Variants in HSPBAP1 observed in about 807,000 individuals in gnomAD.
HSPBAP1 encodes HSPB1 associated protein 1, also known as HSPB1-associated protein 1.
A neutral mutation model predicts 45.2 loss-of-function variants in HSPBAP1; 27 were observed. That is an observed-to-expected ratio of 0.60 (90% confidence interval 0.44 to 0.82). The LOEUF (loss-of-function observed/expected upper bound fraction) is 0.82, where lower values mean the gene tolerates loss of function less well. Ranked by LOEUF, HSPBAP1 falls within the 40% of genes least tolerant of loss-of-function variation. The pLI is 0.00. For missense variants in HSPBAP1, 510 were observed against 590.9 expected (o/e 0.86, Z 1.42); for synonymous variants, 204 against 202.7 (o/e 1.01, Z -0.06).
intron 3 of HSPBAP1, among the ~76,000 whole-genome samples, chr3:122,759,664 G>A (rs1206456824): frequency 2.6e-5 from 4 of 152,188 alleles, no homozygotes; most frequent in African/African-American, 4.8e-5. Flanking sequence ...ATGCCTACTC[G>A]GATGAAGCTT....
At chr3:122,772,355 T>C (rs1935031550) in intron 2 of HSPBAP1, among the ~76,000 whole-genome samples, 1 of 152,096 alleles carries the variant, frequency 6.6e-6, no homozygotes, top group Admixed American at 6.6e-5. Context: ...AAAAGAGTAA[T>C]TAGGGAGGAT....
chr3:122,784,814 T>C (rs1347298587), intron 1 of HSPBAP1, among the ~76,000 whole-genome samples: 1 of 152,234 alleles, frequency 6.6e-6, no homozygotes, highest in Non-Finnish European at 1.5e-5. Flanking sequence ...TTTGGGAAGA[T>C]GAGTAGCTTG....
In HSPBAP1 at chr3:122,740,294, T is replaced by C; in HGVS notation, c.*51A>G. 8.4e-7 allele frequency: 1 copy of C among 1,190,960 alleles called. No individual in the cohort carries two copies. Among genetic ancestry groups the C allele is most frequent in the Non-Finnish European group, 1.1e-6 (1 of 890,582 alleles). 73.8% of individuals were successfully genotyped at this position (1,190,960 alleles called of 1,614,324 possible). On this transcript the variant is annotated 3_prime_UTR_variant, in exon 8 of 8. Transcript: ENST00000306103. ...TCATCTTTATTTTAGTCATACTACT[T>C]AAAAATATATATTTAAAAAATATTA...
intron 1 of HSPBAP1, among the ~76,000 whole-genome samples, chr3:122,781,537 A>C (rs925983572): frequency 2.0e-5 from 3 of 151,978 alleles, no homozygotes; most frequent in African/African-American, 4.8e-5. Context: ...CACCAGAGGC[A>C]GACCGTAGGA....
intron 3 of HSPBAP1, among the ~76,000 whole-genome samples, chr3:122,762,717 G>A (rs1250306605): frequency 2.0e-5 from 3 of 152,230 alleles, no homozygotes; most frequent in East Asian, 1.9e-4. Flanking sequence ...ATTTAATTCT[G>A]TTGTGGTGAG....
intron 3 of HSPBAP1, among the ~76,000 whole-genome samples, chr3:122,760,803 C>A (rs1018914451): frequency 6.6e-6 from 1 of 152,106 alleles, no homozygotes; most frequent in East Asian, 1.9e-4. Context: ...AACACACTGG[C>A]TGCTTGGGAG....
intron 6 of HSPBAP1, among the ~76,000 whole-genome samples, chr3:122,749,155 TATATAG>T (rs1934037528): frequency 1.3e-5 from 2 of 151,638 alleles, no homozygotes; most frequent in South Asian, 2.1e-4. Flanking sequence ...CTTACTTTTA[TATATAG>T]ATATAGATAT....
At chr3:122,770,593 C>G (rs553598278) in intron 2 of HSPBAP1, among the ~76,000 whole-genome samples, 87 of 152,042 alleles carry the variant, frequency 5.7e-4, no homozygotes, top group African/African-American at 2.1e-3. Context: ...TGCAGCTACT[C>G]GGGCAGCTGA....
At chr3:122,765,413 T>A (rs1371034292) in intron 3 of HSPBAP1, among the ~76,000 whole-genome samples, 5 of 151,974 alleles carry the variant, frequency 3.3e-5, no homozygotes, top group Non-Finnish European at 7.4e-5. Flanking sequence ...AAACCCCGTT[T>A]CTACTAAAAA....
intron 1 of HSPBAP1, among the ~76,000 whole-genome samples, chr3:122,792,670 C>T (rs148405718): frequency 0.032 from 4,915 of 152,050 alleles, 107 homozygotes; most frequent in Middle Eastern, 0.078. Flanking sequence ...GTCAAGAGAG[C>T]GAGACCATCC....
At chr3:122,784,241 TTC>T (rs1935582832) in intron 1 of HSPBAP1, among the ~76,000 whole-genome samples, 1 of 152,228 alleles carries the variant, frequency 6.6e-6, no homozygotes, top group African/African-American at 2.4e-5. Flanking sequence ...ATAAATAGTA[TTC>T]TGTTTTTCAT....
intron 3 of HSPBAP1, among the ~76,000 whole-genome samples, chr3:122,768,163 C>G (rs1934853313): frequency 6.6e-6 from 1 of 152,194 alleles, no homozygotes; most frequent in Non-Finnish European, 1.5e-5. Flanking sequence ...AATTTTACTT[C>G]TGCAAGTCAC....
intron 6 of HSPBAP1, among the ~76,000 whole-genome samples, chr3:122,750,553 A>ATCTATCTAATCT (rs56143835): frequency 1.2e-4 from 10 of 86,516 alleles, no homozygotes; most frequent in South Asian, 7.2e-4. Context: ...CTATCTATCT[A>ATCTATCTAATCT]ATCTATCTAT....
At chr3:122,753,012 A>G in intron 5 of HSPBAP1, 1 of 1,024,872 alleles carries the variant, frequency 9.8e-7, no homozygotes, top group Non-Finnish European at 1.2e-6. Flanking sequence ...GCATTCTGAG[A>G]AAGGGCATAG....
chr3:122,749,636 G>C (rs889241840), intron 6 of HSPBAP1, among the ~76,000 whole-genome samples: 21 of 152,076 alleles, frequency 1.4e-4, no homozygotes, highest in African/African-American at 5.1e-4. Context: ...TTGAGATGGA[G>C]TCTTGTTCTG....
At chr3:122,766,525 A>G (rs184568769) in intron 3 of HSPBAP1, among the ~76,000 whole-genome samples, 20 of 152,370 alleles carry the variant, frequency 1.3e-4, no homozygotes, top group African/African-American at 3.4e-4. Context: ...ATTCCAGCAC[A>G]TTGCCAAAAG....
At chr3:122,780,068 T>A (rs892659946) in intron 1 of HSPBAP1, among the ~76,000 whole-genome samples, 11 of 151,648 alleles carry the variant, frequency 7.3e-5, no homozygotes, top group African/African-American at 2.7e-4. Flanking sequence ...GGCTCCTCAC[T>A]TCCCAGTAGG....
chr3:122,776,089 G>A (rs1445682308), intron 2 of HSPBAP1, among the ~76,000 whole-genome samples: 14 of 152,198 alleles, frequency 9.2e-5, no homozygotes, highest in Non-Finnish European at 1.5e-5. Flanking sequence ...AAGTAAATCA[G>A]TGGTTGCCAG....
At chr3:122,776,600 T>G (rs9289204) in intron 2 of HSPBAP1, among the ~76,000 whole-genome samples, 65,901 of 152,088 alleles carry the variant, frequency 0.43, 15,550 homozygotes, top group South Asian at 0.55. Context: ...TTCTCCAAAT[T>G]AGTGCCTAAC....
Sources: allele counts gnomAD v4.1 joint callset (sites outside exome capture counted in the v4.1 genomes callset), GRCh38; gene constraint gnomAD v4.1.1; transcripts MANE v1.5; gene names NCBI Gene and HGNC (gene_info 2026-07-23, HGNC 2026-07-21).